STK3: variants seen among roughly 807,000 people sequenced by gnomAD.
STK3 encodes serine/threonine kinase 3.
STK3 carries 41 observed loss-of-function variants against 58.0 expected under a neutral mutation model. The observed-to-expected ratio is 0.71, with a 90% CI of 0.55 to 0.92. STK3 has a LOEUF of 0.92. Ranked by LOEUF, STK3 falls within the 40% of genes least tolerant of loss-of-function variation. The pLI is 0.00. For synonymous variants in STK3, 170 were observed against 191.0 expected (o/e 0.89, Z 0.91); for missense variants, 479 against 602.7 (o/e 0.79, Z 2.15).
At chr8:98,593,359 A>G (rs1815500432) in intron 7 of STK3, among the ~76,000 whole-genome samples, 1 of 152,210 alleles carries the variant, frequency 6.6e-6, no homozygotes, top group Admixed American at 6.5e-5. Flanking sequence ...CTGGAAATGA[A>G]TATGGTATAA....
At chr8:98,474,247 C>T (rs1038158615) in intron 10 of STK3, among the ~76,000 whole-genome samples, 2 of 152,148 alleles carry the variant, frequency 1.3e-5, no homozygotes, top group Non-Finnish European at 2.9e-5. Flanking sequence ...AACTAGTTTC[C>T]TTCTATCTTT....
At chr8:98,626,357 C>T (rs1014540968) in intron 6 of STK3, among the ~76,000 whole-genome samples, 1 of 152,176 alleles carries the variant, frequency 6.6e-6, no homozygotes, top group African/African-American at 2.4e-5. Flanking sequence ...GATCAGAAAA[C>T]TTCGGCCCAC....
intron 6 of STK3, among the ~76,000 whole-genome samples, chr8:98,625,153 G>A (rs569474396): frequency 6.6e-6 from 1 of 152,182 alleles, no homozygotes; most frequent in Admixed American, 6.5e-5. Context: ...AAATGGTCGT[G>A]GCCTTGTCAT....
chr8:98,457,521 ATAATT>A (rs1265510056), intron 10 of STK3, among the ~76,000 whole-genome samples: 1 of 152,222 alleles, frequency 6.6e-6, no homozygotes, highest in Non-Finnish European at 1.5e-5. Context: ...TGTAACACTC[ATAATT>A]TAAACAACAC....
intron 10 of STK3, among the ~76,000 whole-genome samples, chr8:98,508,511 A>C (rs1423589970): frequency 6.6e-6 from 1 of 152,178 alleles, no homozygotes; most frequent in African/African-American, 2.4e-5. Flanking sequence ...TAGTGGGTAC[A>C]GGGTTTCTTT....
chr8:98,692,154 C>T (rs1015332415), intron 6 of STK3, among the ~76,000 whole-genome samples: 3 of 152,042 alleles, frequency 2.0e-5, no homozygotes, highest in African/African-American at 7.2e-5. Context: ...CGTGAAGAAA[C>T]TGGAACTCTT....
intron 1 of STK3, among the ~76,000 whole-genome samples, chr8:98,910,383 T>G (rs1839081699): frequency 6.6e-6 from 1 of 152,224 alleles, no homozygotes; most frequent in Non-Finnish European, 1.5e-5. Context: ...TTAGTAACTT[T>G]TAAATATTCC....
chr8:98,928,554 A>T (rs1178286513), intron 1 of STK3, among the ~76,000 whole-genome samples: 1 of 152,210 alleles, frequency 6.6e-6, no homozygotes, highest in East Asian at 1.9e-4. Flanking sequence ...AGTTTGAAGT[A>T]TCCTTTCTAG....
chr8:98,520,681 C>G (rs1825289421), intron 10 of STK3, among the ~76,000 whole-genome samples: 1 of 151,946 alleles, frequency 6.6e-6, no homozygotes, highest in South Asian at 2.1e-4. Flanking sequence ...ATATAAAATA[C>G]AGTTCTCTTC....
At chr8:98,503,192 G>A (rs79955783) in intron 10 of STK3, among the ~76,000 whole-genome samples, 19 of 152,184 alleles carry the variant, frequency 1.2e-4, no homozygotes, top group Middle Eastern at 3.4e-3. Flanking sequence ...GTTTGTTTGC[G>A]TAGAGGTGTT....
chr8:98,503,218 T>C (rs1353006699), intron 10 of STK3, among the ~76,000 whole-genome samples: 4 of 152,206 alleles, frequency 2.6e-5, no homozygotes, highest in South Asian at 2.1e-4. Flanking sequence ...TATTCTCTGA[T>C]GGTAGTTTGT....
intron 6 of STK3, chr8:98,651,377 C>G (rs966808695): frequency 2.6e-5 from 4 of 152,200 alleles, no homozygotes; most frequent in African/African-American, 7.2e-5. Context: ...GTAGATAAAA[C>G]CACAAAGATG....
intron 6 of STK3, among the ~76,000 whole-genome samples, chr8:98,618,015 A>G (rs1265931874): frequency 2.3e-3 from 345 of 150,552 alleles, no homozygotes; most frequent in African/African-American, 8.0e-3. Context: ...AACCAAAAAG[A>G]AGAATTTTAG....
intron 4 of STK3, among the ~76,000 whole-genome samples, chr8:98,745,351 G>T (rs1587496975): frequency 6.6e-6 from 1 of 152,006 alleles, no homozygotes; most frequent in Non-Finnish European, 1.5e-5. Flanking sequence ...AGCCTTTGGG[G>T]GTAGCTTTGC....
intron 3 of STK3, among the ~76,000 whole-genome samples, chr8:98,405,814 G>C (rs1177129401): frequency 6.6e-6 from 1 of 152,196 alleles, no homozygotes; most frequent in Non-Finnish European, 1.5e-5. Flanking sequence ...AACAGAGACA[G>C]CTTGTGCAGG....
intron 9 of STK3, among the ~76,000 whole-genome samples, chr8:98,546,767 G>A (rs1810732847): frequency 6.6e-6 from 1 of 152,040 alleles, no homozygotes; most frequent in South Asian, 2.1e-4. Flanking sequence ...CCAGGAAAAA[G>A]GCACAGAAGA....
chr8:98,662,147 C>G (rs1349301432), intron 6 of STK3, among the ~76,000 whole-genome samples: 1 of 151,978 alleles, frequency 6.6e-6, no homozygotes, highest in Non-Finnish European at 1.5e-5. Context: ...CATTGAGAGA[C>G]CCATGGAGAA....
intron 6 of STK3, among the ~76,000 whole-genome samples, chr8:98,636,524 C>A (rs897238480): frequency 2.6e-5 from 4 of 152,000 alleles, no homozygotes; most frequent in African/African-American, 9.7e-5. Flanking sequence ...GTGGAAAAAC[C>A]AAACATTAAA....
chr8:98,673,078 C>A (rs1003211156), intron 6 of STK3, among the ~76,000 whole-genome samples: 11 of 152,136 alleles, frequency 7.2e-5, no homozygotes, highest in Admixed American at 2.0e-4. Context: ...TTTGGTATTA[C>A]ATATTTTGGT....
Sources: gnomAD v4.1 joint callset for allele counts (sites outside exome capture counted in the v4.1 genomes callset) on GRCh38, gnomAD v4.1.1 for gene constraint, MANE v1.5 for transcripts, NCBI Gene and HGNC (gene_info 2026-07-23, HGNC 2026-07-21) for gene names.